Variants in MRPL34 observed in about 807,000 individuals in gnomAD.
The protein encoded by MRPL34 is large ribosomal subunit protein bL34m.
A neutral mutation model predicts 6.7 loss-of-function variants in MRPL34; 8 were observed. The observed-to-expected ratio is 1.20, with a 90% CI of 0.70 to 2.16. MRPL34 has a LOEUF of 2.16. MRPL34 is among the 30% of genes most tolerant of loss of function. The pLI is 0.00. For synonymous variants in MRPL34, 59 were observed against 55.1 expected (o/e 1.07, Z -0.31); for missense variants, 146 against 125.5 (o/e 1.16, Z -0.78).
upstream of MRPL34, among the ~76,000 whole-genome samples, chr19:17,299,314 C>T (rs187989448): frequency 8.1e-5 from 12 of 148,758 alleles, no homozygotes; most frequent in East Asian, 1.0e-3. Flanking sequence ...GTAATCCCAG[C>T]GCTTTGGGAG....
chr19:17,302,766 A>T (rs1490462566), upstream of MRPL34: 2 of 152,330 alleles, frequency 1.3e-5, no homozygotes, highest in Admixed American at 1.3e-4. Flanking sequence ...CCAAGCCTCC[A>T]TCCCACTCCT....
upstream of MRPL34, chr19:17,301,391 C>G (rs2074117633): frequency 6.2e-7 from 1 of 1,611,620 alleles, no homozygotes; most frequent in African/African-American, 1.3e-5. Flanking sequence ...TGACAGCGGA[C>G]CAAGCCGGAG....
Position 17,294,176 on chromosome 19 carries a change from C to T in MRPL34, c.214+1322C>T, listed in dbSNP as rs368930959. Reference sequence around the variant, plus strand: ...CGCCCACCCGGCAGCCACGCCCCCTCGGGAAGAAAGCACGCCCACCAAGCG... The same window carrying T: ...CGCCCACCCGGCAGCCACGCCCCCTTGGGAAGAAAGCACGCCCACCAAGCG... On this transcript the variant is annotated intron_variant, in intron 1 of 2. Coordinates refer to the MRPL34 transcript ENST00000595444. The T allele has an allele frequency of 4.3e-5, 58 of 1,346,222 alleles. No homozygotes were observed. The Middle Eastern group carries it at 7.9e-4, about 18-fold the overall frequency. 83.4% of individuals were successfully genotyped at this position (1,346,222 alleles called of 1,614,324 possible).
upstream of MRPL34, chr19:17,300,783 C>A: frequency 6.7e-7 from 1 of 1,502,214 alleles, no homozygotes; most frequent in Non-Finnish European, 8.9e-7. Context: ...CAGCCAAAAA[C>A]TCAGTATTTT....
At chr19:17,295,674 C>T (rs867999753) in intron 1 of MRPL34, among the ~76,000 whole-genome samples, 2 of 151,874 alleles carry the variant, frequency 1.3e-5, no homozygotes, top group East Asian at 1.9e-4. Context: ...TCCCAAAGTG[C>T]GGGGATTACA....
At chr19:17,294,679 G>A in intron 1 of MRPL34, 1 of 1,613,782 alleles carries the variant, frequency 6.2e-7, no homozygotes, top group Non-Finnish European at 8.5e-7. Flanking sequence ...ACTCACTTGA[G>A]GAAGCTCCAG....
chr19:17,293,845 C>A (rs1169068550), intron 1 of MRPL34, among the ~76,000 whole-genome samples: 2 of 152,080 alleles, frequency 1.3e-5, no homozygotes, highest in African/African-American at 2.4e-5. Context: ...TGGCGTGAAC[C>A]ACCTCGCCGG....
chr19:17,297,100 G>A (rs2074097080), intron 1 of MRPL34, among the ~76,000 whole-genome samples: 1 of 152,230 alleles, frequency 6.6e-6, no homozygotes, highest in African/African-American at 2.4e-5. Context: ...ATGTTTGCCA[G>A]CCCCTGCTGT....
At chr19:17,301,259 C>T (rs1213946271), upstream of MRPL34, 8 of 1,600,306 alleles carry the variant, frequency 5.0e-6, no homozygotes, top group African/African-American at 1.3e-5. Flanking sequence ...TCTGCCAGCT[C>T]CACCTCCAGG....
At chr19:17,301,679 C>G (rs1227223574), upstream of MRPL34, 13 of 1,462,484 alleles carry the variant, frequency 8.9e-6, no homozygotes, top group Non-Finnish European at 9.9e-6. Context: ...AACCCTGCAC[C>G]GTGCAGCAGG....
upstream of MRPL34, among the ~76,000 whole-genome samples, chr19:17,304,061 A>C (rs1447674939): frequency 6.6e-6 from 1 of 150,816 alleles, no homozygotes; most frequent in African/African-American, 2.5e-5. Context: ...ACGGCCTCCC[A>C]AAGGGCTGAG....
intron 1 of MRPL34, chr19:17,294,207 A>G (rs1599521946): frequency 2.7e-6 from 4 of 1,493,750 alleles, no homozygotes; most frequent in Non-Finnish European, 2.7e-6. Context: ...AAGCGCTACC[A>G]CGCCCCCCGC....
At chr19:17,294,562 G>T in intron 1 of MRPL34, 2 of 1,609,974 alleles carry the variant, frequency 1.2e-6, no homozygotes, top group Non-Finnish European at 1.7e-6. Context: ...GCCGTGGGGT[G>T]CCCCCGATGC....
chr19:17,304,844 C>G (rs1202964963), upstream of MRPL34, among the ~76,000 whole-genome samples: 3 of 152,056 alleles, frequency 2.0e-5, no homozygotes, highest in African/African-American at 7.2e-5. Flanking sequence ...TGCATTGGCG[C>G]TATCATTGCT....
chr19:17,293,123 T>G (rs1332216039), intron 1 of MRPL34, among the ~76,000 whole-genome samples: 1 of 143,068 alleles, frequency 7.0e-6, no homozygotes, highest in African/African-American at 2.6e-5. Context: ...TGAGACAGAG[T>G]CTTGCTCTGT....
chr19:17,303,000 C>T (rs2074127984), upstream of MRPL34: 2 of 152,198 alleles, frequency 1.3e-5, no homozygotes, highest in South Asian at 2.1e-4. Flanking sequence ...AGGCCATGCC[C>T]CCCACCTCGA....
intron 1 of MRPL34, chr19:17,296,377 A>G (rs1057020700): frequency 1.3e-5 from 2 of 152,208 alleles, no homozygotes; most frequent in African/African-American, 4.8e-5. Flanking sequence ...TCAAGCCACC[A>G]TGACCCAAAA....
At chr19:17,292,734 A>C in exon 1 of MRPL34, 4 of 1,613,846 alleles carry the variant, frequency 2.5e-6, no homozygotes, top group Non-Finnish European at 2.5e-6. Context: ...CTCCCAGAGC[A>C]GGAATTCGTG....
upstream of MRPL34, chr19:17,300,977 C>T (rs2074114691): frequency 6.2e-7 from 1 of 1,613,490 alleles, no homozygotes; most frequent in Non-Finnish European, 8.5e-7. Flanking sequence ...GAGCTGGCCC[C>T]GTGGCCGGCC....
Sources: gnomAD v4.1 joint callset for allele counts (sites outside exome capture counted in the v4.1 genomes callset) on GRCh38, gnomAD v4.1.1 for gene constraint, MANE v1.5 for transcripts, NCBI Gene and HGNC (gene_info 2026-07-23, HGNC 2026-07-21) for gene names.